Variants in OCA2 observed in about 807,000 individuals in gnomAD.
OCA2 encodes the protein P protein.
OCA2 carries 77 observed loss-of-function variants against 100.2 expected under a neutral mutation model. The ratio of observed to expected loss-of-function variants is 0.77; its 90% confidence interval spans 0.64 to 0.93. The LOEUF is 0.93. OCA2 is among the 40% of genes least tolerant of loss of function. The pLI is 0.00. For missense variants in OCA2, 1,062 were observed against 1,089.1 expected, an observed-to-expected ratio of 0.98 and a Z score of 0.35; for synonymous variants, 432 against 439.2, an observed-to-expected ratio of 0.98 and a Z score of 0.21.
At chr15:28,072,741 C>T (rs2044305011) in intron 2 of OCA2, among the ~76,000 whole-genome samples, 1 of 152,074 alleles carries the variant, frequency 6.6e-6, no homozygotes, top group South Asian at 2.1e-4. Context: ...ATTAAAACCA[C>T]AATGAGATAC....
At chr15:27,803,799 T>C (rs1218820857) in intron 23 of OCA2, among the ~76,000 whole-genome samples, 1 of 152,180 alleles carries the variant, frequency 6.6e-6, no homozygotes, top group African/African-American at 2.4e-5. Flanking sequence ...CTCACTATAA[T>C]GAGTACAACA....
At chr15:27,803,217 A>T (rs1355147052) in intron 23 of OCA2, among the ~76,000 whole-genome samples, 1 of 152,172 alleles carries the variant, frequency 6.6e-6, no homozygotes, top group Non-Finnish European at 1.5e-5. Flanking sequence ...ATAATCCAGC[A>T]ACCCCACTTC....
intron 23 of OCA2, among the ~76,000 whole-genome samples, chr15:27,789,619 A>AG (rs1413569529): frequency 6.6e-6 from 1 of 152,184 alleles, no homozygotes; most frequent in Non-Finnish European, 1.5e-5. Flanking sequence ...TCAGGGACAC[A>AG]GGGGGCGCTT....
intron 23 of OCA2, among the ~76,000 whole-genome samples, chr15:27,826,860 C>A (rs1024713895): frequency 6.6e-6 from 1 of 152,226 alleles, no homozygotes; most frequent in African/African-American, 2.4e-5. Flanking sequence ...TTTAGCCTTG[C>A]GTAACAAATA....
At position 27,926,206 on chromosome 15, in the gene OCA2, A is replaced by G; in HGVS notation, c.2000T>C (p.Ile667Thr). ...GTGTAGAATTATCTCAAAATCATGAATATCAGCTAAAATTAGCAACCAGAT... is the reference window on the plus strand; with the variant it reads ...GTGTAGAATTATCTCAAAATCATGAGTATCAGCTAAAATTAGCAACCAGAT... The part of the protein sequence containing the change: ...GAIWLLILAD[I>T]HDFEIILHRV... The change falls in exon 19 of 24, where the codon ATT (isoleucine) becomes ACT (threonine). Residue 667 changes from isoleucine (I) to threonine (T), a missense_variant. Ile to Thr is a moderately conservative substitution (Grantham distance 89). Coordinates refer to ENST00000354638, the MANE Select transcript of OCA2 (RefSeq NM_000275.3). 2 of 1,614,152 alleles carry G rather than the reference A, an allele frequency of 1.2e-6. No individual in the cohort carries two copies. Among genetic ancestry groups the G allele is most frequent in the Non-Finnish European group, 1.7e-6 (2 of 1,180,002 alleles).
intron 2 of OCA2, among the ~76,000 whole-genome samples, chr15:28,036,434 C>T (rs2043047510): frequency 6.6e-6 from 1 of 152,168 alleles, no homozygotes; most frequent in South Asian, 2.1e-4. Context: ...TCCTCGGTAT[C>T]AGCCATGTTT....
chr15:28,068,457 A>G (rs2044092676), intron 2 of OCA2, among the ~76,000 whole-genome samples: 1 of 152,348 alleles, frequency 6.6e-6, no homozygotes, highest in South Asian at 2.1e-4. Context: ...GAAAGAACCT[A>G]TCAACCAAAA....
chr15:27,967,901 A>G (rs919442507), intron 14 of OCA2, among the ~76,000 whole-genome samples: 1 of 152,072 alleles, frequency 6.6e-6, no homozygotes, highest in African/African-American at 2.4e-5. Flanking sequence ...CTGTTCTTTC[A>G]CTGACGTCCT....
At chr15:28,070,560 G>A (rs1398133430) in intron 2 of OCA2, among the ~76,000 whole-genome samples, 163 of 145,164 alleles carry the variant, frequency 1.1e-3, no homozygotes, top group African/African-American at 4.0e-3. Flanking sequence ...CCCTCCGCCC[G>A]GCCAGCCGCC....
At chr15:27,827,938 A>C (rs2034796854) in intron 23 of OCA2, among the ~76,000 whole-genome samples, 1 of 152,218 alleles carries the variant, frequency 6.6e-6, no homozygotes, top group African/African-American at 2.4e-5. Context: ...TCACTGGATA[A>C]GACGATCTAT....
chr15:27,933,361 CA>C (rs1432635157), intron 18 of OCA2, among the ~76,000 whole-genome samples: 6 of 103,868 alleles, frequency 5.8e-5, no homozygotes, highest in Non-Finnish European at 9.3e-5. Flanking sequence ...AAGAGATTAC[CA>C]GGGGTGGGCA....
rs372899234 is a variant in OCA2, at chr15:27,985,167, G to A, written c.1261C>T (p.Arg421Trp). The A allele has an allele frequency of 9.0e-5, 146 of 1,613,778 alleles. No homozygotes were observed. Among genetic ancestry groups the A allele is most frequent in the South Asian group, 3.4e-4 (31 of 91,060 alleles). Residue 421 changes from arginine to tryptophan, a missense_variant, in exon 13 of 24, where the codon CGG becomes TGG. By Grantham distance (101) the Arg-to-Trp change is moderately radical. Coordinates refer to ENST00000354638, the MANE Select transcript of OCA2 (RefSeq NM_000275.3). ...AVKAYRLSRG[R>W]VWAMIIMLCL... ...AGCATGATGATCATGGCCCACACCCGTCCCCGGGAGAGCCGGTATGCCTGG... is the reference window on the plus strand; with the variant it reads ...AGCATGATGATCATGGCCCACACCCATCCCCGGGAGAGCCGGTATGCCTGG...
rs558343437 is a variant in OCA2, at chr15:27,767,428, TTCTG to T, written c.2433-11960_2433-11957del. Among the ~76,000 whole-genome samples, 550 of 152,254 alleles carry T rather than the reference TTCTG, an allele frequency of 3.6e-3. 6 individuals carry two copies. The highest frequency in any genetic ancestry group is 0.012 in the African/African-American group (510 of 41,500). ...GGTTGAGTGGGGACTTGAAGAACTTTTCTGTCTAACTAGAGGATTGTAAATGCAC... is the reference window on the plus strand; with the variant it reads ...GGTTGAGTGGGGACTTGAAGAACTTTTCTAACTAGAGGATTGTAAATGCAC... On this transcript the variant is annotated intron_variant, in intron 23 of 23. Coordinates refer to ENST00000354638, the MANE Select transcript of OCA2 (RefSeq NM_000275.3).
At chr15:28,055,891 C>T (rs185519655) in intron 2 of OCA2, among the ~76,000 whole-genome samples, 10 of 152,310 alleles carry the variant, frequency 6.6e-5, no homozygotes, top group Admixed American at 3.9e-4. Context: ...TGCTCATCTC[C>T]GGAGGAGACA....
intron 21 of OCA2, among the ~76,000 whole-genome samples, chr15:27,863,492 G>C (rs2036211892): frequency 6.6e-6 from 1 of 152,126 alleles, no homozygotes; most frequent in South Asian, 2.1e-4. Context: ...TTGTCCAAAT[G>C]CAGGCTCTGA....
chr15:27,962,004 T>C (rs2040425611), intron 15 of OCA2, among the ~76,000 whole-genome samples: 1 of 152,036 alleles, frequency 6.6e-6, no homozygotes, highest in Non-Finnish European at 1.5e-5. Flanking sequence ...TTTAAATTAA[T>C]TAATTAAAAT....
intron 9 of OCA2, among the ~76,000 whole-genome samples, chr15:28,004,172 A>G (rs2042017375): frequency 6.6e-6 from 1 of 152,252 alleles, no homozygotes; most frequent in Admixed American, 6.5e-5. Context: ...ATGGAAAAGC[A>G]GCCTACGACA....
Position 27,844,978 on chromosome 15 carries a change from A to G in OCA2, c.2413T>C (p.Ser805Pro). Residue 805 changes from serine to proline, a missense_variant, in exon 23 of 24, where the codon TCC becomes CCC. Ser to Pro is a moderately conservative substitution (Grantham distance 74, BLOSUM62 -1). Coordinates refer to ENST00000354638, the MANE Select transcript of OCA2 (RefSeq NM_000275.3). ...AAGTACCTGAAAAATTCCATGAAGGAGAACCCATATCCATGCTGTTCTGCA... is the reference window on the plus strand; with the variant it reads ...AAGTACCTGAAAAATTCCATGAAGGGGAACCCATATCCATGCTGTTCTGCA... Reference protein sequence around the residue: ...GIAEQHGYGFSFMEFFRLGFP... With the variant: ...GIAEQHGYGFPFMEFFRLGFP... 1.2e-6 allele frequency: 2 copies of G among 1,613,554 alleles called. No individual in the cohort carries two copies. Among genetic ancestry groups the G allele is most frequent in the East Asian group, 4.5e-5 (2 of 44,876 alleles).
At chr15:27,940,942 G>T (rs1171022116) in intron 18 of OCA2, among the ~76,000 whole-genome samples, 1 of 152,214 alleles carries the variant, frequency 6.6e-6, no homozygotes, top group African/African-American at 2.4e-5. Flanking sequence ...TGACCACAGT[G>T]TAGCTTCAGA....
Sources: allele counts gnomAD v4.1 joint callset (sites outside exome capture counted in the v4.1 genomes callset), GRCh38; gene constraint gnomAD v4.1.1; transcripts MANE v1.5; gene names NCBI Gene and HGNC (gene_info 2026-07-23, HGNC 2026-07-21).